The following CHD5 variants were observed in gnomAD, a reference collection of about 807,000 sequenced individuals.
CHD5 encodes the protein ATP-dependent chromatin remodeler CHD5.
A neutral mutation model predicts 230.3 loss-of-function variants in CHD5; 69 were observed. The observed-to-expected ratio is 0.30, with a 90% CI of 0.25 to 0.37. CHD5 has a LOEUF of 0.37. CHD5 is among the 10% of genes least tolerant of loss of function. The pLI, the probability that CHD5 is intolerant of heterozygous loss-of-function variation, is 1.00. For synonymous variants in CHD5, 1,064 were observed against 1,065.9 expected (o/e 1.00, Z 0.03); for missense variants, 1,827 against 2,622.8 (o/e 0.70, Z 6.63).
In CHD5 at chr1:6,142,258, T is replaced by A. The variant is rs769174090; in HGVS notation, c.2306A>T (p.Glu769Val). The change falls in exon 15 of 42, where the codon GAG becomes GTG. Residue 769 changes from glutamate to valine, a missense_variant. This residue lies in a region of CHD5 where 80 missense variants were observed against 96.4 expected (regional missense o/e 0.83). Transcript: ENST00000262450. The surrounding 1 kb of genome is among the most constrained non-coding windows in gnomAD (Gnocchi z 5.2). ...CACGTAGAAGTCGGGCGCCCACATC[T>A]CAAACTCGCGTTCCCAGTTGATGAT... ...STIINWEREF[E>V]MWAPDFYVVT... 8.7e-6 allele frequency: 14 copies of A among 1,613,890 alleles called. No homozygotes were observed. In the East Asian group the frequency reaches 3.1e-4, roughly 36 times the overall value.
intron 38 of CHD5, among the ~76,000 whole-genome samples, chr1:6,108,558 G>A (rs1028120935): frequency 6.7e-6 from 1 of 150,136 alleles, no homozygotes; most frequent in Non-Finnish European, 1.5e-5. Flanking sequence ...AAGGGATGGA[G>A]GTATGATGAA....
Position 6,134,558 on chromosome 1 carries a change from A to G in CHD5, c.3012+160T>C, listed in dbSNP as rs1666709817. The stretch of plus-strand genomic sequence containing the variant: ...GCACCTACCAGAGTGGCCACAGGCA[A>G]CCTTCCATGATGGCCAGGGAAACCT... On this transcript the variant is annotated intron_variant, in intron 19 of 41. Transcript: ENST00000262450. This position sits in a 1 kb window ranked among gnomAD's most constrained non-coding sequence, Gnocchi z 6.3. Among the ~76,000 whole-genome samples the G allele has an allele frequency of 6.6e-6, 1 of 152,050 alleles. No homozygotes were observed. The highest frequency in any genetic ancestry group is 6.5e-5 in the Admixed American group (1 of 15,272).
At position 6,124,091 on chromosome 1, in the gene CHD5, T is replaced by C. The variant is rs1666514884; in HGVS notation, c.4556A>G (p.His1519Arg). The change falls in exon 31 of 42, where the codon CAT becomes CGT. Residue 1519 changes from histidine to arginine, a missense_variant. Transcript: ENST00000262450. ...LVRKKVQEFE[H>R]VNGKYSTPDL... ...TGGGGTGCTGTACTTCCCGTTGACA[T>C]GCTCAAACTCCTGAACCTGGGGTGG... 1.2e-6 allele frequency: 2 copies of C among 1,611,408 alleles called. No individual in the cohort carries two copies. The highest frequency in any genetic ancestry group is 1.3e-5 in the African/African-American group (1 of 74,702).
In CHD5 at chr1:6,155,478, G is replaced by T. The variant is rs1667066794; in HGVS notation, c.506+121C>A. The T allele has an allele frequency of 5.0e-6, 4 of 792,360 alleles. No individual in the cohort carries two copies. In the East Asian group the frequency reaches 7.7e-5, roughly 15 times the overall value. 49.1% of individuals were successfully genotyped at this position (792,360 alleles called of 1,614,324 possible). A position where few individuals can be genotyped will look rare whatever the true frequency, so the allele number is the denominator to read the frequency against. ...CCCTCCAGCTCCCCCAGGTTGCTCA[G>T]TCGGTCTGACAGAGCCCACCCCTAC... On this transcript the variant is annotated intron_variant, in intron 4 of 41. Coordinates refer to ENST00000262450, the MANE Select transcript of CHD5 (RefSeq NM_015557.3). This position sits in a 1 kb window ranked among gnomAD's most constrained non-coding sequence, Gnocchi z 4.0.
chr1:6,164,356 G>A (rs1439135784), intron 2 of CHD5, among the ~76,000 whole-genome samples: 1 of 152,212 alleles, frequency 6.6e-6, no homozygotes, highest in East Asian at 1.9e-4. Context: ...TTATAATTTA[G>A]CACTGAATAA....
At chr1:6,158,124 C>G (rs1409379329) in intron 3 of CHD5, among the ~76,000 whole-genome samples, 1 of 152,234 alleles carries the variant, frequency 6.6e-6, no homozygotes, top group Non-Finnish European at 1.5e-5. Flanking sequence ...CACTCACCCA[C>G]TGCCTGTCCA....
chr1:6,112,353 G>A (rs1045311744), intron 34 of CHD5, 76 bp from the exon 35 acceptor site: 316 of 1,558,290 alleles, frequency 2.0e-4, no homozygotes, highest in Non-Finnish European at 2.5e-4. Context: ...TGCCAAGCAC[G>A]GGGGACCCAG....
Position 6,126,765 on chromosome 1 carries a change from G to A in CHD5, c.3904-19C>T, listed in dbSNP as rs745643522. The A allele has an allele frequency of 1.6e-5, 25 of 1,607,068 alleles. No homozygotes were observed. The highest frequency in any genetic ancestry group is 1.2e-4 in the Admixed American group (7 of 59,724). On this transcript the variant is annotated intron_variant, in intron 25 of 41. Transcript: ENST00000262450. The surrounding 1 kb of genome is among the most constrained non-coding windows in gnomAD (Gnocchi z 5.7). ...CCTCCTCCTGGGGACGCAGCACCAC[G>A]GGTTCCATGGGTGGAGCCATCTCTG...
chr1:6,146,084 A>C lies in CHD5; in HGVS notation c.1802+128T>G. ...TTCCTTGTGCCCCTGCTGTGCCCAC[A>C]TGTGGTTCTGCACGGCAGCCCCAAA... is the stretch of plus-strand genomic sequence containing the variant. On this transcript the variant is annotated intron_variant, in intron 11 of 41. Coordinates refer to ENST00000262450, the MANE Select transcript of CHD5 (RefSeq NM_015557.3). This position sits in a 1 kb window ranked among gnomAD's most constrained non-coding sequence, Gnocchi z 5.1. The C allele has an allele frequency of 1.2e-6, 1 of 844,758 alleles. No homozygotes were observed. Among genetic ancestry groups the C allele is most frequent in the Non-Finnish European group, 1.9e-6 (1 of 537,840 alleles). The allele number at this position is 844,758 out of a possible 1,614,324, so 52.3% of individuals were successfully genotyped here.
Position 6,115,571 on chromosome 1 carries a change from C to T in CHD5, c.4913-2573G>A, listed in dbSNP as rs114591307. Among the ~76,000 whole-genome samples the T allele has an allele frequency of 9.6e-3, 1,464 of 152,290 alleles. 20 individuals are homozygous for T. The highest frequency in any genetic ancestry group is 0.033 in the African/African-American group (1,375 of 41,562). ...TCACCACTGCTGGCTTGAAGACACA[C>T]GAGGCTACATGGCAGGAATGTGGTG... On this transcript the variant is annotated intron_variant, in intron 33 of 41. Transcript: ENST00000262450.
chr1:6,129,059 C>T lies in CHD5; in HGVS notation c.3398G>A (p.Arg1133His), dbSNP rs1390212280. 1 of 1,601,650 alleles carries T rather than the reference C, an allele frequency of 6.2e-7. No individual in the cohort carries two copies. The highest frequency in any genetic ancestry group is 8.5e-7 in the Non-Finnish European group (1 of 1,174,380). Residue 1133 changes from arginine (R) to histidine (H), a missense_variant, in exon 23 of 42, where the codon CGC becomes CAC. This residue lies in a region of CHD5 where 81 missense variants were observed against 245.4 expected (regional missense o/e 0.33). Coordinates refer to ENST00000262450, the MANE Select transcript of CHD5 (RefSeq NM_015557.3). The surrounding 1 kb of genome is among the most constrained non-coding windows in gnomAD (Gnocchi z 6.8). ...CTTGTTCTGGCCGATGCGGTGGGCG[C>T]GGCTGAAGGCCTGGGGAGACCTGCA... is the stretch of plus-strand genomic sequence containing the variant. ...NPHNDIQAFS[R>H]AHRIGQNKKV...
At chr1:6,165,634 G>A (rs76451670) in intron 2 of CHD5, among the ~76,000 whole-genome samples, 93 of 152,018 alleles carry the variant, frequency 6.1e-4, no homozygotes, top group African/African-American at 2.0e-3. Context: ...AGACAGTCTC[G>A]GTGTCTTCAT....
rs149450455 is a variant in CHD5 at position 6,112,922 on chromosome 1, G to A, written c.4989C>T (p.Ser1663=). The A allele has an allele frequency of 4.6e-5, 75 of 1,613,568 alleles. No individual in the cohort carries two copies. Among genetic ancestry groups the A allele is most frequent in the African/African-American group, 2.3e-4 (17 of 75,042 alleles). The change falls in exon 34 of 42, where the codon TCC becomes TCT. Residue 1663 remains serine, a synonymous_variant. Transcript: ENST00000262450. Reference sequence around the variant, plus strand: ...AGAGCCCCAGACCTGGCCTGAGTTCGGAACTGTCCCCTCTGCTGTGGATCA... The same window carrying A: ...AGAGCCCCAGACCTGGCCTGAGTTCAGAACTGTCCCCTCTGCTGTGGATCA... ...LSLIHSRGDS[S]ELRPDDTKAE...
At position 6,129,936 on chromosome 1, in the gene CHD5, C is replaced by T. The variant is rs1490433030; in HGVS notation, c.3387+268G>A. On this transcript the variant is annotated intron_variant, in intron 22 of 41. Transcript: ENST00000262450. The surrounding 1 kb of genome is among the most constrained non-coding windows in gnomAD (Gnocchi z 6.8). ...ATGGGAAAGACCAGATCAGTGGCCA[C>T]TAGGAACTGCTGTGCGCCCTGGGAC... Among the ~76,000 whole-genome samples the T allele has an allele frequency of 2.0e-5, 3 of 152,168 alleles. No individual in the cohort carries two copies. The highest frequency in any genetic ancestry group is 2.0e-4 in the Admixed American group (3 of 15,282).
Position 6,125,435 on chromosome 1 carries a change from G to T in CHD5, c.4260+89C>A. ...CAAGCTCCGCCTCTACCTGGCATGA[G>T]ACCCGGGGCAGTCCCCCAGCCCTCC... is the stretch of plus-strand genomic sequence containing the variant. On this transcript the variant is annotated intron_variant, in intron 28 of 41. Transcript: ENST00000262450. The surrounding 1 kb of genome is among the most constrained non-coding windows in gnomAD (Gnocchi z 6.7). The T allele has an allele frequency of 7.1e-7, 1 of 1,411,622 alleles. No individual in the cohort carries two copies. The highest frequency in any genetic ancestry group is 9.7e-7 in the Non-Finnish European group (1 of 1,027,536). The allele number at this position is 1,411,622 out of a possible 1,614,324, so 87.4% of individuals were successfully genotyped here.
In CHD5 at chr1:6,106,499, C is replaced by T. The variant is rs1666169896; in HGVS notation, c.5753G>A (p.Gly1918Asp). 1.9e-6 allele frequency: 3 copies of T among 1,552,038 alleles called. No individual in the cohort carries two copies. The highest frequency in any genetic ancestry group is 2.4e-5 in the East Asian group (1 of 40,990). The change falls in exon 40 of 42, where the codon GGC becomes GAC. Residue 1918 changes from glycine (G) to aspartate (D), a missense_variant. This residue lies in a region of CHD5 where 208 missense variants were observed against 302.0 expected (regional missense o/e 0.69). Coordinates refer to ENST00000262450, the MANE Select transcript of CHD5 (RefSeq NM_015557.3). Reference sequence around the variant, plus strand: ...GTTGTTGCTGTACATCTGGGAGGAGCCGAAAGCGCCCTGGAGGCAAGGACT... The same window carrying T: ...GTTGTTGCTGTACATCTGGGAGGAGTCGAAAGCGCCCTGGAGGCAAGGACT... ...GDPTIQQGAF[G>D]SSQMYSNNFG...
intron 6 of CHD5, 58 bp downstream of exon 6, chr1:6,152,354 A>C: frequency 6.4e-7 from 1 of 1,570,280 alleles, no homozygotes. Context: ...TTGCGTGCTC[A>C]TGTGCAGACA....
At position 6,119,923 on chromosome 1, in the gene CHD5, C is replaced by T. The variant is rs559911149; in HGVS notation, c.4912+1182G>A. Reference sequence around the variant, plus strand: ...TTGCCCAGGCTGGAGTGCAGTGACACGATCTCCACTCACTGCAACCTCTGC... The same window carrying T: ...TTGCCCAGGCTGGAGTGCAGTGACATGATCTCCACTCACTGCAACCTCTGC... On this transcript the variant is annotated intron_variant, in intron 33 of 41. Transcript: ENST00000262450. Among the ~76,000 whole-genome samples, 38 of 151,122 alleles carry T rather than the reference C, an allele frequency of 2.5e-4. 2 individuals carry two copies. The South Asian group carries it at 5.9e-3, about 23-fold the overall frequency.
chr1:6,141,982 T>C lies in CHD5; in HGVS notation c.2436+146A>G, dbSNP rs933135240. 6 of 693,690 alleles carry C rather than the reference T, an allele frequency of 8.6e-6. No individual in the cohort carries two copies. In the East Asian group the frequency reaches 1.0e-4, roughly 12 times the overall value. 43.0% of individuals were successfully genotyped at this position (693,690 alleles called of 1,614,324 possible). ...CCCAGAAAACTGACATGGCTGTAAC[T>C]CAGCCTCTAGGACAAGCCCCTCAGA... is the stretch of plus-strand genomic sequence containing the variant. On this transcript the variant is annotated intron_variant, in intron 15 of 41. Transcript: ENST00000262450.
Sources: gnomAD v4.1 joint callset for allele counts (sites outside exome capture counted in the v4.1 genomes callset) on GRCh38, gnomAD v4.1.1 for gene constraint, gnomAD v4.1.1 regional missense constraint, Gnocchi (gnomAD v3.1) non-coding constraint, MANE v1.5 for transcripts, NCBI Gene and HGNC (gene_info 2026-07-23, HGNC 2026-07-21) for gene names.